Variants in ATXN10 observed in about 807,000 individuals in gnomAD.
The protein encoded by ATXN10 is ataxin 10.
In ATXN10, 28 loss-of-function variants were observed where a neutral mutation model predicts 52.9. The observed-to-expected ratio is 0.53, with a 90% CI of 0.39 to 0.73. The LOEUF (loss-of-function observed/expected upper bound fraction) is 0.73, where lower values mean the gene tolerates loss of function less well. Ranked by LOEUF, ATXN10 falls within the 30% of genes least tolerant of loss-of-function variation. The pLI, the probability that ATXN10 is intolerant of heterozygous loss-of-function variation, is 0.00. For synonymous variants in ATXN10, 226 were observed against 221.5 expected (o/e 1.02, Z -0.18); for missense variants, 565 against 577.0 (o/e 0.98, Z 0.21).
intron 9 of ATXN10, among the ~76,000 whole-genome samples, chr22:45,778,559 G>T (rs1366188047): frequency 6.6e-6 from 1 of 152,168 alleles, no homozygotes; most frequent in African/African-American, 2.4e-5. Context: ...ACCCTTATAA[G>T]TCCGCGTTTA....
rs1237376730 is a variant in ATXN10 at position 45,787,262 on chromosome 22, A to G, written c.1174-19697A>G. Among the ~76,000 whole-genome samples the G allele has an allele frequency of 1.3e-5, 2 of 152,198 alleles. No individual in the cohort carries two copies. Among genetic ancestry groups the G allele is most frequent in the Admixed American group, 1.3e-4 (2 of 15,286 alleles). On this transcript the variant is annotated intron_variant, in intron 9 of 11. Coordinates refer to ENST00000252934, the MANE Select transcript of ATXN10 (RefSeq NM_013236.4). The surrounding 1 kb of genome is among the most constrained non-coding windows in gnomAD (Gnocchi z 4.2). ...GGGCTTGGCTCCTGAAAGAAGGGTC[A>G]GACCCTAGAGTGTTCAGCTGGGCTG...
At position 45,738,744 on chromosome 22, in the gene ATXN10, C is replaced by T. The variant is rs376717467; in HGVS notation, c.908C>T (p.Thr303Ile). 87 of 1,613,844 alleles carry T rather than the reference C, an allele frequency of 5.4e-5. No individual in the cohort carries two copies. The highest frequency in any genetic ancestry group is 3.3e-4 in the Middle Eastern group (2 of 6,084). Residue 303 changes from threonine (T) to isoleucine (I), a missense_variant, in exon 8 of 12, where the codon ACA becomes ATA. By Grantham distance (89) the Thr-to-Ile change is moderately conservative. Transcript: ENST00000252934. ...TTTTCTTTCTAGGAGGCACTGGCTA[C>T]AATTAGGCTTCTCGACGTCCTGTGC... ...EPPDDEEALA[T>I]IRLLDVLCEM...
chr22:45,711,536 T>C (rs1924250647), intron 5 of ATXN10, among the ~76,000 whole-genome samples: 1 of 152,164 alleles, frequency 6.6e-6, no homozygotes, highest in Non-Finnish European at 1.5e-5. Context: ...CTGGGAAACC[T>C]GAGTAAGATC....
Position 45,784,052 on chromosome 22 carries a change from C to T in ATXN10, c.1174-22907C>T, listed in dbSNP as rs1360145343. 1.3e-5 allele frequency among the ~76,000 whole-genome samples: 2 copies of T among 152,152 alleles called. No homozygotes were observed. Among genetic ancestry groups the T allele is most frequent in the African/African-American group, 4.8e-5 (2 of 41,440 alleles). ...TCTGTGTCACTGGCCCTCCCTCTCCCCTTCTTAATCCTCATCACTCTTCAT... is the reference window on the plus strand; with the variant it reads ...TCTGTGTCACTGGCCCTCCCTCTCCTCTTCTTAATCCTCATCACTCTTCAT... On this transcript the variant is annotated intron_variant, in intron 9 of 11. Transcript: ENST00000252934. This position sits in a 1 kb window ranked among gnomAD's most constrained non-coding sequence, Gnocchi z 4.2.
chr22:45,743,649 C>T (rs556305066), intron 9 of ATXN10, among the ~76,000 whole-genome samples: 79 of 152,310 alleles, frequency 5.2e-4, no homozygotes, highest in Non-Finnish European at 1.0e-3. Context: ...GGAGGGATTT[C>T]GTATCATCTA....
At chr22:45,806,754 T>G (rs969837146) in intron 9 of ATXN10, among the ~76,000 whole-genome samples, 3 of 152,220 alleles carry the variant, frequency 2.0e-5, no homozygotes, top group Non-Finnish European at 2.9e-5. Flanking sequence ...TATTTTTTTT[T>G]GAAGTCCAGT....
intron 1 of ATXN10, among the ~76,000 whole-genome samples, chr22:45,687,231 G>A (rs1315949539): frequency 6.6e-6 from 1 of 152,156 alleles, no homozygotes; most frequent in Non-Finnish European, 1.5e-5. Context: ...CATGAACTTA[G>A]TATTTATTCT....
chr22:45,751,740 G>GGAAAAAAAAAAAAAAAAAAAAAAAAAAA (rs1555892667), intron 9 of ATXN10, among the ~76,000 whole-genome samples: 1 of 45,502 alleles, frequency 2.2e-5, no homozygotes, highest in Admixed American at 2.5e-4. Context: ...CCTTTTTCTG[G>GGAAAAAAAAAAAAAAAAAAAAAAAAAAA]AAAAAAAAAA....
intron 1 of ATXN10, among the ~76,000 whole-genome samples, chr22:45,680,358 G>T (rs528740211): frequency 7.2e-5 from 11 of 152,172 alleles, no homozygotes; most frequent in Non-Finnish European, 1.6e-4. Context: ...ATACACCATT[G>T]TATTATAGGA....
chr22:45,843,874 T>A lies in ATXN10; in HGVS notation c.*203T>A, dbSNP rs1045256939. On this transcript the variant is annotated 3_prime_UTR_variant, in exon 12 of 12. Coordinates refer to ENST00000252934, the MANE Select transcript of ATXN10 (RefSeq NM_013236.4). The surrounding 1 kb of genome is among the most constrained non-coding windows in gnomAD (Gnocchi z 4.5). ...TCTTGTTTCTTTGCATTAATGTAAC[T>A]GTGTGGTTTGCCTTTGTCCCCCTGG... 4.1e-5 allele frequency: 25 copies of A among 613,874 alleles called. No homozygotes were observed. In the African/African-American group the frequency reaches 4.6e-4, roughly 11 times the overall value. The allele number at this position is 613,874 out of a possible 1,614,324, so 38.0% of individuals were successfully genotyped here.
chr22:45,680,042 T>C (rs191141533), intron 1 of ATXN10: 1 of 152,352 alleles, frequency 6.6e-6, no homozygotes, highest in East Asian at 1.9e-4. Flanking sequence ...AAGGGCTTGG[T>C]CACTGGACTG....
Position 45,754,845 on chromosome 22 carries a change from ACT to A in ATXN10, c.1173+14310_1173+14311del, listed in dbSNP as rs1242139264. Among the ~76,000 whole-genome samples, 4 of 152,044 alleles carry A rather than the reference ACT, an allele frequency of 2.6e-5. No homozygotes were observed. The highest frequency in any genetic ancestry group is 9.7e-5 in the African/African-American group (4 of 41,400). The stretch of plus-strand genomic sequence containing the variant: ...ACTCCAGCCTGGGCAACAGAGTGAG[ACT>A]CTGTCTCAAAAAATGTCTTGGCCCT... On this transcript the variant is annotated intron_variant, in intron 9 of 11. Transcript: ENST00000252934. This position sits in a 1 kb window ranked among gnomAD's most constrained non-coding sequence, Gnocchi z 5.4.
rs1302044025 is a variant in ATXN10, at chr22:45,681,214, T to G, written c.117-8498T>G. On this transcript the variant is annotated intron_variant, in intron 1 of 11. Coordinates refer to ENST00000252934, the MANE Select transcript of ATXN10 (RefSeq NM_013236.4). This position sits in a 1 kb window ranked among gnomAD's most constrained non-coding sequence, Gnocchi z 4.2. ...TTCGTTATTTCATTGTTTATATAGA[T>G]TTTCCTTTCATTATCCTGACCTCGA... Among the ~76,000 whole-genome samples, 10 of 152,202 alleles carry G rather than the reference T, an allele frequency of 6.6e-5. No homozygotes were observed. Among genetic ancestry groups the G allele is most frequent in the Non-Finnish European group, 1.3e-4 (9 of 68,026 alleles).
At chr22:45,807,216 C>A in intron 10 of ATXN10, 194 bp downstream of exon 10, 1 of 674,754 alleles carries the variant, frequency 1.5e-6, no homozygotes, top group Admixed American at 2.1e-5. Flanking sequence ...GTATGGTAAG[C>A]TAGTTTTTTC....
intron 9 of ATXN10, among the ~76,000 whole-genome samples, chr22:45,777,404 T>A (rs1926998210): frequency 6.6e-6 from 1 of 152,242 alleles, no homozygotes; most frequent in African/African-American, 2.4e-5. Flanking sequence ...AGGTATGTGT[T>A]TTTTACAGGT....
chr22:45,823,180 G>C lies in ATXN10; in HGVS notation c.1237+16158G>C. ...TGCCCATCTCCCTAGGCGGCTTCTT[G>C]AGTGTCCCGTCTCCCTCACTGCCAA... On this transcript the variant is annotated intron_variant, in intron 10 of 11. Coordinates refer to ENST00000252934, the MANE Select transcript of ATXN10 (RefSeq NM_013236.4). This position sits in a 1 kb window ranked among gnomAD's most constrained non-coding sequence, Gnocchi z 4.9. 1 of 471,830 alleles carries C rather than the reference G, an allele frequency of 2.1e-6. No individual in the cohort carries two copies. The highest frequency in any genetic ancestry group is 1.5e-5 in the South Asian group (1 of 64,566). The allele number at this position is 471,830 out of a possible 1,614,324, so 29.2% of individuals were successfully genotyped here.
intron 9 of ATXN10, among the ~76,000 whole-genome samples, chr22:45,745,916 A>G (rs539724984): frequency 5.3e-4 from 80 of 152,356 alleles, no homozygotes; most frequent in Non-Finnish European, 9.4e-4. Context: ...TACAAAGACT[A>G]GTAAAAATAG....
At position 45,727,421 on chromosome 22, in the gene ATXN10, C is replaced by T. The variant is rs1242455090; in HGVS notation, c.729-2004C>T. Among the ~76,000 whole-genome samples the T allele has an allele frequency of 6.6e-6, 1 of 152,056 alleles. No individual in the cohort carries two copies. Among genetic ancestry groups the T allele is most frequent in the Non-Finnish European group, 1.5e-5 (1 of 68,008 alleles). On this transcript the variant is annotated intron_variant, in intron 6 of 11. Coordinates refer to ENST00000252934, the MANE Select transcript of ATXN10 (RefSeq NM_013236.4). The surrounding 1 kb of genome is among the most constrained non-coding windows in gnomAD (Gnocchi z 4.6). ...TTGCCCAGGCTGGGGTGCAGTGGCA[C>T]GATCTTGGCTTACTGTAACCTCTGC...
chr22:45,709,646 C>G (rs2146763121), intron 5 of ATXN10, among the ~76,000 whole-genome samples: 1 of 152,346 alleles, frequency 6.6e-6, no homozygotes, highest in South Asian at 2.1e-4. Flanking sequence ...GACCTCATCT[C>G]ATACCACAGC....
Sources: allele counts gnomAD v4.1 joint callset (sites outside exome capture counted in the v4.1 genomes callset), GRCh38; gene constraint gnomAD v4.1.1; non-coding constraint Gnocchi (gnomAD v3.1); transcripts MANE v1.5; gene names NCBI Gene and HGNC (gene_info 2026-07-23, HGNC 2026-07-21).